Variants in RBFOX1 observed in about 807,000 individuals in gnomAD.
RBFOX1 encodes RNA binding protein fox-1 homolog 1.
In RBFOX1, 8 loss-of-function variants were observed where a neutral mutation model predicts 57.7. That is an observed-to-expected ratio of 0.14 (90% CI 0.08 to 0.25). RBFOX1 has a LOEUF of 0.25. Ranked by LOEUF, RBFOX1 falls within the 10% of genes least tolerant of loss-of-function variation. RBFOX1 has a pLI of 1.00. For missense variants in RBFOX1, 611 were observed against 548.5 expected (o/e 1.11, Z -1.14); for synonymous variants, 326 against 222.4 (o/e 1.47, Z -4.15).
chr16:6,063,648 T>G (rs2095718753), intron 1 of RBFOX1, among the ~76,000 whole-genome samples: 1 of 152,156 alleles, frequency 6.6e-6, no homozygotes, highest in Admixed American at 6.5e-5. Flanking sequence ...TACCATTTAT[T>G]TTATTTTCAG....
chr16:7,329,929 C>A (rs1044620988), intron 4 of RBFOX1, among the ~76,000 whole-genome samples: 2 of 152,162 alleles, frequency 1.3e-5, no homozygotes, highest in Non-Finnish European at 2.9e-5. Flanking sequence ...AGCATATATA[C>A]ACACAGTCAC....
intron 5 of RBFOX1, among the ~76,000 whole-genome samples, chr16:7,521,752 G>T (rs1191992859): frequency 1.3e-5 from 2 of 152,176 alleles, no homozygotes; most frequent in Admixed American, 6.5e-5. Context: ...TAGTCAGAGG[G>T]TTATACCTTT....
chr16:7,144,341 T>C (rs1472419578), intron 4 of RBFOX1, among the ~76,000 whole-genome samples: 1 of 151,984 alleles, frequency 6.6e-6, no homozygotes. Context: ...GTTCACACTT[T>C]CTGGTACCCA....
chr16:6,901,679 C>T (rs367710937), intron 3 of RBFOX1, among the ~76,000 whole-genome samples: 1 of 152,184 alleles, frequency 6.6e-6, no homozygotes, highest in Non-Finnish European at 1.5e-5. Flanking sequence ...ACAGAATTTT[C>T]TGTTGTTTCT....
chr16:6,885,330 G>C (rs113531024), intron 3 of RBFOX1, among the ~76,000 whole-genome samples: 2 of 152,130 alleles, frequency 1.3e-5, no homozygotes, highest in Non-Finnish European at 2.9e-5. Flanking sequence ...GAAGCTCTAG[G>C]GTTTGGGTGT....
intron 1 of RBFOX1, among the ~76,000 whole-genome samples, chr16:5,373,978 T>C (rs1383616537): frequency 1.3e-5 from 2 of 152,214 alleles, no homozygotes; most frequent in Non-Finnish European, 2.9e-5. Context: ...AGTGCAATGG[T>C]GCGATCTCGG....
chr16:7,359,064 G>T (rs1054322267), intron 4 of RBFOX1, among the ~76,000 whole-genome samples: 1 of 152,142 alleles, frequency 6.6e-6, no homozygotes, highest in African/African-American at 2.4e-5. Context: ...CTTGGTAATT[G>T]TCAGCTACAG....
chr16:7,432,971 C>G (rs545599264), intron 4 of RBFOX1, among the ~76,000 whole-genome samples: 1 of 152,364 alleles, frequency 6.6e-6, no homozygotes, highest in South Asian at 2.1e-4. Flanking sequence ...GACTTCTCTG[C>G]AGCTTCTGTG....
intron 2 of RBFOX1, among the ~76,000 whole-genome samples, chr16:6,361,089 A>G (rs1408350543): frequency 6.6e-6 from 1 of 152,108 alleles, no homozygotes; most frequent in Non-Finnish European, 1.5e-5. Context: ...CCTCTCAGCA[A>G]TGCATTGCCA....
intron 11 of RBFOX1, among the ~76,000 whole-genome samples, chr16:7,636,732 G>C (rs1161129789): frequency 6.6e-6 from 1 of 152,148 alleles, no homozygotes; most frequent in African/African-American, 2.4e-5. Context: ...GAGGCTGGAA[G>C]TCCAAGATCA....
chr16:6,526,691 G>A (rs1833171), intron 2 of RBFOX1, among the ~76,000 whole-genome samples: 3,192 of 151,436 alleles, frequency 0.021, 119 homozygotes, highest in African/African-American at 0.074. Flanking sequence ...TTAGCCGGGC[G>A]TGGTGGTGGG....
intron 2 of RBFOX1, among the ~76,000 whole-genome samples, chr16:6,575,901 T>G (rs1054203015): frequency 2.3e-5 from 3 of 132,070 alleles, no homozygotes; most frequent in African/African-American, 8.7e-5. Flanking sequence ...AAATAAAGAT[T>G]AATAAAAACA....
intron 4 of RBFOX1, among the ~76,000 whole-genome samples, chr16:7,071,006 C>G (rs1185057885): frequency 6.6e-6 from 1 of 152,180 alleles, no homozygotes; most frequent in Non-Finnish European, 1.5e-5. Flanking sequence ...TGTCCTCAAG[C>G]TACATTTGCC....
At chr16:5,820,790 CAGTT>C (rs1215042629) in intron 3 of RBFOX1, among the ~76,000 whole-genome samples, 3 of 152,178 alleles carry the variant, frequency 2.0e-5, no homozygotes, top group African/African-American at 4.8e-5. Flanking sequence ...GACGATCAGA[CAGTT>C]AGACAAGCCA....
intron 10 of RBFOX1, among the ~76,000 whole-genome samples, chr16:7,609,038 T>C (rs899511874): frequency 6.6e-6 from 1 of 152,214 alleles, no homozygotes; most frequent in Non-Finnish European, 1.5e-5. Flanking sequence ...CTGGGATGCA[T>C]CTTTGTGCAA....
At chr16:6,332,715 C>A (rs2083189018) in intron 2 of RBFOX1, among the ~76,000 whole-genome samples, 1 of 152,236 alleles carries the variant, frequency 6.6e-6, no homozygotes, top group Non-Finnish European at 1.5e-5. Flanking sequence ...CCTCTCCTAA[C>A]CATTTAGTGT....
chr16:6,424,629 G>GTGTGTGTGTGTGTGTGTT (rs58744101), intron 2 of RBFOX1, among the ~76,000 whole-genome samples: 1 of 151,948 alleles, frequency 6.6e-6, no homozygotes, highest in Non-Finnish European at 1.5e-5. Flanking sequence ...GCGTGTGTGT[G>GTGTGTGTGTGTGTGTGTT]AACGTGGGGA....
At chr16:6,014,912 G>C (rs1416101421), upstream of RBFOX1, among the ~76,000 whole-genome samples, 7 of 150,862 alleles carry the variant, frequency 4.6e-5, no homozygotes, top group African/African-American at 1.7e-4. Flanking sequence ...CTGGAGTACA[G>C]TGGTGTGGTT....
intron 2 of RBFOX1, among the ~76,000 whole-genome samples, chr16:6,573,303 C>G (rs1321188994): frequency 6.6e-6 from 1 of 152,140 alleles, no homozygotes; most frequent in Non-Finnish European, 1.5e-5. Flanking sequence ...GGACGCCATA[C>G]CCTCCCCTAG....
Sources: gnomAD v4.1 joint callset for allele counts (sites outside exome capture counted in the v4.1 genomes callset) on GRCh38, gnomAD v4.1.1 for gene constraint, MANE v1.5 for transcripts, NCBI Gene and HGNC (gene_info 2026-07-23, HGNC 2026-07-21) for gene names.